TECPR1: variants seen among roughly 807,000 people sequenced by gnomAD.
The protein encoded by TECPR1 is tectonin beta-propeller repeat-containing protein 1.
TECPR1 carries 122 observed loss-of-function variants against 162.4 expected under a neutral mutation model. The observed-to-expected ratio is 0.75, with a 90% CI of 0.65 to 0.87. The LOEUF (loss-of-function observed/expected upper bound fraction) is 0.87. Among genes scored for constraint, TECPR1 ranks in the 40% least tolerant of loss-of-function variants. The pLI is 0.00. For missense variants in TECPR1, 1,432 were observed against 1,618.2 expected (o/e 0.88, Z 1.97); for synonymous variants, 642 against 670.6 (o/e 0.96, Z 0.66).
intron 6 of TECPR1, among the ~76,000 whole-genome samples, chr7:98,242,108 G>C (rs1249962549): frequency 1.3e-5 from 2 of 152,236 alleles, no homozygotes; most frequent in East Asian, 3.8e-4. Flanking sequence ...CCCTTCAGCA[G>C]GGCTGAGGAA....
At chr7:98,247,106 G>A (rs1006505030) in intron 2 of TECPR1, among the ~76,000 whole-genome samples, 1 of 151,496 alleles carries the variant, frequency 6.6e-6, no homozygotes, top group African/African-American at 2.4e-5. Context: ...CCACTGCACT[G>A]CAGCCTAGGT....
At chr7:98,226,169 G>A (rs542271646) in intron 17 of TECPR1, among the ~76,000 whole-genome samples, 39 of 152,336 alleles carry the variant, frequency 2.6e-4, no homozygotes, top group East Asian at 7.7e-4. Context: ...TGAGGAGGAC[G>A]TGAGGAGGGA....
chr7:98,245,932 T>C lies in TECPR1; in HGVS notation c.215A>G (p.Tyr72Cys), dbSNP rs774320450. 3 of 1,599,360 alleles carry C rather than the reference T, an allele frequency of 1.9e-6. No homozygotes were observed. The highest frequency in any genetic ancestry group is 2.6e-6 in the Non-Finnish European group (3 of 1,173,708). ...DVPIRRREEAYENQRWNPMGG... is the reference protein window; with the variant it reads ...DVPIRRREEACENQRWNPMGG... ...CATGAGGGTCACTACCTGATTCTCATAGGCCTCCTCTCGGCGGCGGATGGG... is the reference window on the plus strand; with the variant it reads ...CATGAGGGTCACTACCTGATTCTCACAGGCCTCCTCTCGGCGGCGGATGGG... Residue 72 changes from tyrosine (Y) to cysteine (C), a missense_variant, in exon 3 of 26, where the codon TAT (tyrosine) becomes TGT (cysteine). Coordinates refer to ENST00000447648, the MANE Select transcript of TECPR1 (RefSeq NM_015395.3).
intron 16 of TECPR1, chr7:98,228,487 C>T (rs1384670268): frequency 2.3e-5 from 6 of 258,608 alleles, no homozygotes; most frequent in Non-Finnish European, 3.9e-5. Flanking sequence ...ACGTAACCTC[C>T]GTGAGCCCCG....
At chr7:98,229,246 TC>T (rs1798358866) in intron 15 of TECPR1, 80 bp from the exon 16 acceptor site, 1 of 1,499,098 alleles carries the variant, frequency 6.7e-7, no homozygotes, top group African/African-American at 1.4e-5. Context: ...TTGTTCCGTG[TC>T]CTCCTGTGGT....
rs1264916991 is a variant in TECPR1, at chr7:98,231,285, C to T, written c.2063G>A (p.Arg688Gln). ...ACGCACCGGCCACCTCTGCCGTGTCCGCTCAGGGGTGTACAGGGCAAAGGA... is the reference window on the plus strand; with the variant it reads ...ACGCACCGGCCACCTCTGCCGTGTCTGCTCAGGGGTGTACAGGGCAAAGGA... The part of the protein sequence containing the change: ...KHSFALYTPE[R>Q]TRQRWPVRLA... Residue 688 changes from arginine (R) to glutamine (Q), a missense_variant, in exon 14 of 26, where the codon CGG becomes CAG. Transcript: ENST00000447648. 7 of 1,612,830 alleles carry T rather than the reference C, an allele frequency of 4.3e-6. No homozygotes were observed. Among genetic ancestry groups the T allele is most frequent in the East Asian group, 2.2e-5 (1 of 44,848 alleles).
intron 5 of TECPR1, 35 bp downstream of exon 5, chr7:98,244,536 T>A: frequency 6.3e-7 from 1 of 1,583,024 alleles, no homozygotes; most frequent in Non-Finnish European, 8.6e-7. Context: ...GTCCTGGCCC[T>A]ATCCTGCCCC....
intron 11 of TECPR1, 34 bp from the exon 12 acceptor site, chr7:98,233,006 C>T: frequency 1.9e-6 from 3 of 1,562,840 alleles, no homozygotes; most frequent in South Asian, 2.3e-5. Flanking sequence ...GGCCGGGGCA[C>T]TGTCCTGCCC....
rs1798519874 is a variant in TECPR1 at position 98,233,783 on chromosome 7, G to A, written c.1310C>T (p.Ser437Phe). Residue 437 changes from serine (S) to phenylalanine (F), a missense_variant, in exon 11 of 26, where the codon TCC (serine) becomes TTC (phenylalanine). By Grantham distance (155) the Ser-to-Phe change is radical (BLOSUM62 -2). Transcript: ENST00000447648. ...GGCTGAGTTCCCTGTGGCATTCTTG[G>A]AATCGTCTAGAGGTTCTGCAGGGAG... ...QILPAEPLDD[S>F]KNATGNSASG... is the part of the protein sequence containing the mutation. The A allele has an allele frequency of 6.2e-7, 1 of 1,611,844 alleles. No homozygotes were observed. The highest frequency in any genetic ancestry group is 1.3e-5 in the African/African-American group (1 of 75,028).
rs781388045 is a variant in TECPR1, at chr7:98,246,111, G to A, written c.36C>T (p.Phe12=). 6 of 1,553,780 alleles carry A rather than the reference G, an allele frequency of 3.9e-6. No individual in the cohort carries two copies. In the Admixed American group the frequency reaches 5.8e-5, roughly 15 times the overall value. The part of the protein sequence containing the change: ...PNSVLWAVDL[F]GRVYTLSTAG... ...CTGTGGACAGCGTGTACACTCTCCC[G>A]AAGAGGTCCACCGCCCACAGCACTG... The change falls in exon 3 of 26, where the codon TTC becomes TTT. Residue 12 remains phenylalanine (F), a synonymous_variant. Coordinates refer to ENST00000447648, the MANE Select transcript of TECPR1 (RefSeq NM_015395.3).
At chr7:98,235,849 A>AAAAAACAC in intron 10 of TECPR1, among the ~76,000 whole-genome samples, 1 of 110,258 alleles carries the variant, frequency 9.1e-6, no homozygotes, top group African/African-American at 3.1e-5. Context: ...AAAAAAAAAA[A>AAAAAACAC]AACACCATCT....
chr7:98,217,856 G>A lies in TECPR1; in HGVS notation c.3265-45C>T, dbSNP rs1321983026. The stretch of plus-strand genomic sequence containing the variant: ...AAGCCCTCAGCCCTACCTGCAGTGG[G>A]ACGGCTGGGCATGGGATGGGGGAGA... On this transcript the variant is annotated intron_variant, in intron 24 of 25. Transcript: ENST00000447648. 7.1e-6 allele frequency: 11 copies of A among 1,542,040 alleles called. No individual in the cohort carries two copies. In the South Asian group the frequency reaches 1.3e-4, roughly 18 times the overall value.
At position 98,232,976 on chromosome 7, in the gene TECPR1, T is replaced by C. The variant is rs1194674169; in HGVS notation, c.1673-4A>G. The C allele has an allele frequency of 2.5e-6, 4 of 1,602,840 alleles. No individual in the cohort carries two copies. Among genetic ancestry groups the C allele is most frequent in the Non-Finnish European group, 3.4e-6 (4 of 1,174,194 alleles). ...ATGTGTACCGAGGAGGACAGGCCTG[T>C]GGGGCAGAGAGAGCCTCAGGGCCGG... On this transcript the variant is annotated splice_polypyrimidine_tract_variant and splice_region_variant and intron_variant, in intron 11 of 25. Transcript: ENST00000447648. The surrounding 1 kb of genome is among the most constrained non-coding windows in gnomAD (Gnocchi z 4.6).
chr7:98,236,634 G>T (rs76520670), intron 10 of TECPR1, 142 bp downstream of exon 10: 2 of 1,129,604 alleles, frequency 1.8e-6, no homozygotes, highest in Non-Finnish European at 2.5e-6. Context: ...TGTGGCTTTT[G>T]TGAGTGGAGA....
At chr7:98,221,595 G>C (rs1411435964) in intron 23 of TECPR1, 66 bp downstream of exon 23, 7 of 1,455,832 alleles carry the variant, frequency 4.8e-6, no homozygotes, top group Middle Eastern at 1.8e-4. Context: ...CCAAAGTGCT[G>C]AGATTACAGG....
chr7:98,248,990 G>A (rs1798990450), intron 2 of TECPR1, among the ~76,000 whole-genome samples: 2 of 151,310 alleles, frequency 1.3e-5, no homozygotes, highest in Admixed American at 1.3e-4. Flanking sequence ...CTGGGTTCAA[G>A]TGATTCTCCT....
chr7:98,248,121 G>A (rs1015177987), intron 2 of TECPR1, among the ~76,000 whole-genome samples: 3 of 152,206 alleles, frequency 2.0e-5, no homozygotes, highest in South Asian at 2.1e-4. Context: ...AGGGCCCATA[G>A]TGCTGTTGCA....
At chr7:98,227,253 G>A (rs1002881083) in intron 17 of TECPR1, among the ~76,000 whole-genome samples, 12 of 151,562 alleles carry the variant, frequency 7.9e-5, no homozygotes, top group South Asian at 4.1e-4. Flanking sequence ...TTAGCTAGTC[G>A]TGGTGGAGCG....
At chr7:98,239,935 C>A (rs1435138710) in intron 8 of TECPR1, among the ~76,000 whole-genome samples, 2 of 151,940 alleles carry the variant, frequency 1.3e-5, no homozygotes, top group Non-Finnish European at 2.9e-5. Context: ...TCGGTGATAC[C>A]CCATCTCTAC....
Sources: gnomAD v4.1 joint callset for allele counts (sites outside exome capture counted in the v4.1 genomes callset) on GRCh38, gnomAD v4.1.1 for gene constraint, Gnocchi (gnomAD v3.1) non-coding constraint, MANE v1.5 for transcripts, NCBI Gene and HGNC (gene_info 2026-07-23, HGNC 2026-07-21) for gene names.